The following PARP12 variants were observed in gnomAD, a reference collection of about 807,000 sequenced individuals.
PARP12 encodes protein mono-ADP-ribosyltransferase PARP12.
PARP12 carries 59 observed loss-of-function variants against 72.4 expected under a neutral mutation model. The ratio of observed to expected loss-of-function variants is 0.81; its 90% CI spans 0.66 to 1.01. PARP12 has a LOEUF of 1.01. Among genes scored for constraint, PARP12 ranks in the 50% least tolerant of loss-of-function variants. The pLI is 0.00. For missense variants in PARP12, 851 were observed against 914.0 expected (o/e 0.93, Z 0.89); for synonymous variants, 403 against 371.4 (o/e 1.09, Z -0.98).
intron 6 of PARP12, chr7:140,038,327 T>C: frequency 1.0e-6 from 1 of 979,662 alleles, no homozygotes; most frequent in Middle Eastern, 5.2e-4. Context: ...AGCATTCATC[T>C]ATTTTTTAAA....
At chr7:140,033,258 T>G (rs377123002) in intron 8 of PARP12, 2 of 985,320 alleles carry the variant, frequency 2.0e-6, no homozygotes, top group Non-Finnish European at 2.4e-6. Flanking sequence ...CTTTGCTAGG[T>G]CTGACTCACA....
chr7:140,026,429 T>A, intron 10 of PARP12, 81 bp from the exon 11 acceptor site: 2 of 1,532,874 alleles, frequency 1.3e-6, no homozygotes, highest in South Asian at 2.5e-5. Flanking sequence ...AACAACACAT[T>A]TTTCCAAAAT....
rs984234777 is a variant in PARP12 at position 140,056,541 on chromosome 7, G to C, written c.760+315C>G. Among the ~76,000 whole-genome samples the C allele has an allele frequency of 5.3e-5, 8 of 152,300 alleles. No individual in the cohort carries two copies. The Middle Eastern group carries it at 0.01, about 194-fold the overall frequency. On this transcript the variant is annotated intron_variant, in intron 3 of 11. Transcript: ENST00000263549. ...GCATGCTCTCGTGGGGGTGAAGATA[G>C]GGGTGACTGCACAGGGGGAGGAGCC...
intron 8 of PARP12, 49 bp from the exon 9 acceptor site, chr7:140,028,737 G>A (rs1031881988): frequency 2.0e-6 from 3 of 1,478,132 alleles, no homozygotes; most frequent in Middle Eastern, 1.7e-4. Context: ...CTTACACAAA[G>A]CAAATATACC....
At chr7:140,028,460 C>T (rs1466745271) in intron 9 of PARP12, among the ~76,000 whole-genome samples, 153 bp downstream of exon 9, 5 of 152,130 alleles carry the variant, frequency 3.3e-5, no homozygotes, top group African/African-American at 1.2e-4. Flanking sequence ...AAAACAAAAA[C>T]AAAAATAAAG....
chr7:140,050,566 C>G (rs1185358536), intron 4 of PARP12, among the ~76,000 whole-genome samples: 14 of 152,118 alleles, frequency 9.2e-5, no homozygotes, highest in Admixed American at 9.2e-4. Context: ...CAAGCACCAA[C>G]GTGACAGACA....
chr7:140,054,884 T>C (rs1418347636), intron 3 of PARP12, 121 bp from the exon 4 acceptor site: 2 of 800,632 alleles, frequency 2.5e-6, no homozygotes, highest in Non-Finnish European at 4.0e-6. Flanking sequence ...AGCCCTATCG[T>C]GTTTGGGGTG....
chr7:140,032,448 A>AT (rs1226451217), intron 8 of PARP12, among the ~76,000 whole-genome samples: 1 of 151,994 alleles, frequency 6.6e-6, no homozygotes. Context: ...AAGTGCTGGG[A>AT]TTATAGGTGT....
At chr7:140,057,463 AC>A in intron 2 of PARP12, 1 of 429,114 alleles carries the variant, frequency 2.3e-6, no homozygotes, top group Non-Finnish European at 4.1e-6. Context: ...CATCCTAAGG[AC>A]CTCTACAATC....
intron 11 of PARP12, chr7:140,025,224 G>A (rs1172427370): frequency 3.0e-5 from 10 of 333,726 alleles, no homozygotes; most frequent in Non-Finnish European, 5.8e-5. Context: ...AAATGGGGCT[G>A]TTCAGCCCAA....
intron 6 of PARP12, 106 bp downstream of exon 6, chr7:140,041,538 T>C: frequency 1.7e-6 from 2 of 1,169,148 alleles, no homozygotes; most frequent in Non-Finnish European, 2.4e-6. Flanking sequence ...CTGGGGATCC[T>C]CAGCTCTCTC....
At chr7:140,041,274 A>G (rs77350202) in intron 6 of PARP12, 12,683 of 171,382 alleles carry the variant, frequency 0.074, 739 homozygotes, top group African/African-American at 0.18. Context: ...CTTTACCTCT[A>G]TATCACAGCT....
Position 140,027,259 on chromosome 7 carries a change from A to T in PARP12, c.1628+17T>A. 6.2e-7 allele frequency: 1 copy of T among 1,610,674 alleles called. No individual in the cohort carries two copies. Among genetic ancestry groups the T allele is most frequent in the Non-Finnish European group, 8.5e-7 (1 of 1,177,540 alleles). On this transcript the variant is annotated intron_variant, in intron 10 of 11. Transcript: ENST00000263549. ...GGGACAGAGTCACCAGCCCACCAAG[A>T]GCGAGCCCCAACGCACCACTGGTAG...
chr7:140,031,130 G>C lies in PARP12; in HGVS notation c.1422-2442C>G, dbSNP rs185293239. On this transcript the variant is annotated intron_variant, in intron 8 of 11. Transcript: ENST00000263549. The stretch of plus-strand genomic sequence containing the variant: ...TATACATATACACAAAAGAAGGTAA[G>C]AAAAGAAAAAATAAGACCCAATCAC... 6.0e-3 allele frequency among the ~76,000 whole-genome samples: 913 copies of C among 152,190 alleles called. 2 individuals are homozygous for C. The highest frequency in any genetic ancestry group is 0.01 in the Non-Finnish European group (686 of 67,986).
rs537969706 is a variant in PARP12 at position 140,033,371 on chromosome 7, C to G, written c.1421+864G>C. The stretch of plus-strand genomic sequence containing the variant: ...CACAAAACAAAAGAACCAAAAGAGA[C>G]ATTGTTGGTTCTCCATAAAATAGAC... On this transcript the variant is annotated intron_variant, in intron 8 of 11. Transcript: ENST00000263549. 6 of 985,358 alleles carry G rather than the reference C, an allele frequency of 6.1e-6. No individual in the cohort carries two copies. In the East Asian group the frequency reaches 4.5e-4, roughly 74 times the overall value. 61.0% of individuals were successfully genotyped at this position (985,358 alleles called of 1,614,324 possible).
At chr7:140,038,531 T>C (rs1158332755) in intron 6 of PARP12, among the ~76,000 whole-genome samples, 1 of 152,158 alleles carries the variant, frequency 6.6e-6, no homozygotes, top group African/African-American at 2.4e-5. Flanking sequence ...CATCCCTTTA[T>C]ACAACAGGAC....
At chr7:140,026,150 G>A (rs1815728876) in intron 11 of PARP12, 47 bp downstream of exon 11, 3 of 1,613,676 alleles carry the variant, frequency 1.9e-6, no homozygotes, top group Non-Finnish European at 2.5e-6. Context: ...TCCTATGCAG[G>A]GGCAAAGCAA....
rs1032296064 is a variant in PARP12 at position 140,051,410 on chromosome 7, A to T, written c.862+3252T>A. ...AAGATTTTTTTTCTTTTTTTTTTTT[A>T]GACAGAGTTTCACTCTGTCGCCCAG... On this transcript the variant is annotated intron_variant, in intron 4 of 11. Coordinates refer to ENST00000263549, the MANE Select transcript of PARP12 (RefSeq NM_022750.4). Among the ~76,000 whole-genome samples, 18 of 147,828 alleles carry T rather than the reference A, an allele frequency of 1.2e-4. 1 individual carries two copies. The highest frequency in any genetic ancestry group is 4.0e-4 in the African/African-American group (16 of 40,146).
rs1192691747 is a variant in PARP12, at chr7:140,024,436, C to T, written c.*124G>A. ...TATTAGCAAGAGATTAAGAACATAA[C>T]TTCATTGAGAGGTCAATGTTAAGAG... On this transcript the variant is annotated 3_prime_UTR_variant, in exon 12 of 12. Coordinates refer to ENST00000263549, the MANE Select transcript of PARP12 (RefSeq NM_022750.4). 2 of 1,065,442 alleles carry T rather than the reference C, an allele frequency of 1.9e-6. No individual in the cohort carries two copies. The highest frequency in any genetic ancestry group is 2.8e-6 in the Non-Finnish European group (2 of 710,732). The allele number at this position is 1,065,442 out of a possible 1,614,324, so 66.0% of individuals were successfully genotyped here.
Sources: allele counts gnomAD v4.1 joint callset (sites outside exome capture counted in the v4.1 genomes callset), GRCh38; gene constraint gnomAD v4.1.1; transcripts MANE v1.5; gene names NCBI Gene and HGNC (gene_info 2026-07-23, HGNC 2026-07-21).